Variants in EPHA5 observed in about 807,000 individuals in gnomAD.
EPHA5 encodes the protein EPH receptor A5.
Under a neutral mutation model 105.0 loss-of-function variants are expected in EPHA5, and 60 were observed. The observed-to-expected ratio is 0.57, with a 90% CI of 0.46 to 0.71. EPHA5 has a LOEUF of 0.71. Ranked by LOEUF, EPHA5 falls within the 30% of genes least tolerant of loss-of-function variation. EPHA5 has a pLI of 0.00. For missense variants in EPHA5, 1,218 were observed against 1,274.7 expected (o/e 0.96, Z 0.68); for synonymous variants, 513 against 449.1 (o/e 1.14, Z -1.80).
chr4:65,464,265 T>G (rs774244669), intron 5 of EPHA5, among the ~76,000 whole-genome samples: 1 of 152,034 alleles, frequency 6.6e-6, no homozygotes, highest in Non-Finnish European at 1.5e-5. Context: ...AGTTCCCATA[T>G]GTAGCTTGTT....
Position 65,365,456 on chromosome 4 carries a change from C to A in EPHA5, c.1988-254G>T, listed in dbSNP as rs545763616. On this transcript the variant is annotated intron_variant, in intron 10 of 16. Transcript: ENST00000613740. ...TAGGGGCTATTAACTTCCTCTATCT[C>A]ACTTACAAAAACCTTTTAAAAAAGA... Among the ~76,000 whole-genome samples the A allele has an allele frequency of 1.2e-4, 18 of 150,838 alleles. No individual in the cohort carries two copies. In the East Asian group the frequency reaches 3.5e-3, roughly 30 times the overall value.
intron 5 of EPHA5, among the ~76,000 whole-genome samples, chr4:65,433,141 T>C (rs910634528): frequency 6.6e-6 from 1 of 152,136 alleles, no homozygotes; most frequent in Non-Finnish European, 1.5e-5. Context: ...CTGAAGCAGA[T>C]TATTCTTAGT....
intron 8 of EPHA5, among the ~76,000 whole-genome samples, chr4:65,371,839 A>T (rs945140915): frequency 2.0e-5 from 3 of 151,984 alleles, no homozygotes; most frequent in African/African-American, 7.2e-5. Flanking sequence ...CGTACAGTGG[A>T]TCACAATAGG....
chr4:65,350,423 T>G (rs1214327324), intron 13 of EPHA5, among the ~76,000 whole-genome samples: 2 of 152,074 alleles, frequency 1.3e-5, no homozygotes, highest in Non-Finnish European at 2.9e-5. Flanking sequence ...TACCAGTGGA[T>G]GTAATTTTTA....
chr4:65,603,856 C>T (rs571729625), intron 2 of EPHA5, among the ~76,000 whole-genome samples: 2 of 152,162 alleles, frequency 1.3e-5, no homozygotes, highest in Non-Finnish European at 2.9e-5. Flanking sequence ...TATTGCAGCA[C>T]TCCATAATTA....
intron 12 of EPHA5, among the ~76,000 whole-genome samples, chr4:65,352,071 T>A (rs1019077851): frequency 6.6e-6 from 1 of 151,976 alleles, no homozygotes; most frequent in African/African-American, 2.4e-5. Flanking sequence ...ATGTTAGCAA[T>A]TTTTGGAAGT....
At chr4:65,394,575 A>G (rs1444165554) in intron 8 of EPHA5, among the ~76,000 whole-genome samples, 2 of 152,188 alleles carry the variant, frequency 1.3e-5, no homozygotes, top group Non-Finnish European at 2.9e-5. Context: ...CTCAATTGAG[A>G]GAACAAGATT....
At chr4:65,398,743 A>T (rs1721507596) in intron 8 of EPHA5, among the ~76,000 whole-genome samples, 1 of 152,120 alleles carries the variant, frequency 6.6e-6, no homozygotes, top group African/African-American at 2.4e-5. Flanking sequence ...GGCTTCAGAT[A>T]TTGGGACAAC....
intron 8 of EPHA5, among the ~76,000 whole-genome samples, chr4:65,390,372 A>C (rs1362760662): frequency 6.6e-6 from 1 of 151,998 alleles, no homozygotes; most frequent in Admixed American, 6.6e-5. Context: ...TTTCACATAG[A>C]AACACCAACA....
intron 8 of EPHA5, among the ~76,000 whole-genome samples, chr4:65,373,686 T>C (rs1451960101): frequency 6.6e-6 from 1 of 151,950 alleles, no homozygotes; most frequent in Non-Finnish European, 1.5e-5. Context: ...ATTTAAAATA[T>C]TTTTGAAATT....
intron 14 of EPHA5, among the ~76,000 whole-genome samples, chr4:65,341,605 G>C (rs1179449780): frequency 6.6e-6 from 1 of 150,418 alleles, no homozygotes; most frequent in African/African-American, 2.4e-5. Flanking sequence ...TATTGTGTGT[G>C]TATATGTATA....
chr4:65,664,235 CA>C (rs984859856), intron 1 of EPHA5, among the ~76,000 whole-genome samples: 28 of 151,854 alleles, frequency 1.8e-4, no homozygotes, highest in Middle Eastern at 6.9e-3. Flanking sequence ...TCAATGGCAC[CA>C]ATTATTTAGA....
chr4:65,514,515 G>T (rs1227599076), intron 3 of EPHA5, among the ~76,000 whole-genome samples: 2 of 152,146 alleles, frequency 1.3e-5, no homozygotes. Context: ...CTACAGACAT[G>T]TTAGTGAATC....
intron 14 of EPHA5, among the ~76,000 whole-genome samples, chr4:65,338,136 C>T (rs1259645403): frequency 6.6e-6 from 1 of 151,760 alleles, no homozygotes; most frequent in Non-Finnish European, 1.5e-5. Flanking sequence ...AATAACAATG[C>T]TAAACAAGCC....
intron 3 of EPHA5, among the ~76,000 whole-genome samples, chr4:65,572,421 G>T (rs1238346506): frequency 6.6e-6 from 1 of 152,068 alleles, no homozygotes; most frequent in African/African-American, 2.4e-5. Flanking sequence ...ACATAATCAA[G>T]GCTTGATATT....
intron 2 of EPHA5, among the ~76,000 whole-genome samples, chr4:65,605,639 A>G (rs1744154586): frequency 1.3e-5 from 2 of 151,980 alleles, no homozygotes; most frequent in African/African-American, 2.4e-5. Flanking sequence ...TTATGTTTCT[A>G]TTTATCTTGA....
At chr4:65,441,952 G>GGT (rs1291423405) in intron 5 of EPHA5, among the ~76,000 whole-genome samples, 1 of 152,026 alleles carries the variant, frequency 6.6e-6, no homozygotes, top group African/African-American at 2.4e-5. Context: ...CCAGTACTAT[G>GGT]CCAGGTGTTT....
At chr4:65,589,953 T>G (rs113149567) in intron 3 of EPHA5, among the ~76,000 whole-genome samples, 1 of 152,202 alleles carries the variant, frequency 6.6e-6, no homozygotes, top group African/African-American at 2.4e-5. Flanking sequence ...AGATATGTCC[T>G]AATGGAATCC....
chr4:65,566,318 T>C (rs901197439), intron 3 of EPHA5, among the ~76,000 whole-genome samples: 1 of 151,800 alleles, frequency 6.6e-6, no homozygotes, highest in African/African-American at 2.4e-5. Context: ...TGTATAGATA[T>C]TTTGTAGGGA....
Sources: allele counts gnomAD v4.1 joint callset (sites outside exome capture counted in the v4.1 genomes callset), GRCh38; gene constraint gnomAD v4.1.1; transcripts MANE v1.5; gene names NCBI Gene and HGNC (gene_info 2026-07-23, HGNC 2026-07-21).